Variants in DGKB observed in about 807,000 individuals in gnomAD.
DGKB encodes 90 kDa diacylglycerol kinase.
A neutral mutation model predicts 114.3 loss-of-function variants in DGKB; 67 were observed. The observed-to-expected ratio is 0.59, with a 90% CI of 0.48 to 0.72. The LOEUF is 0.72. Ranked by LOEUF, DGKB falls within the 30% of genes least tolerant of loss-of-function variation. The probability of loss-of-function intolerance (pLI) is 0.00; values close to 1 mark genes in which losing one functional copy is unlikely to be tolerated. For missense variants in DGKB, 907 were observed against 975.2 expected (o/e 0.93, Z 0.93); for synonymous variants, 398 against 323.1 (o/e 1.23, Z -2.49).
rs151162392 is a variant in DGKB, at chr7:14,169,082, G to A, written c.2304+7757C>T. 2.2e-3 allele frequency among the ~76,000 whole-genome samples: 336 copies of A among 151,914 alleles called. 2 individuals are homozygous for A. The highest frequency in any genetic ancestry group is 3.9e-3 in the Non-Finnish European group (263 of 67,962). Reference sequence around the variant, plus strand: ...ATGAAAGAAATGCAAACCATGGGCCGGGTGCAGTGGCTCACGCCTGTAATC... The same window carrying A: ...ATGAAAGAAATGCAAACCATGGGCCAGGTGCAGTGGCTCACGCCTGTAATC... On this transcript the variant is annotated intron_variant, in intron 25 of 25. Coordinates refer to ENST00000402815, the MANE Select transcript of DGKB (RefSeq NM_001350709.2).
At chr7:14,319,921 G>C (rs1807414023) in intron 23 of DGKB, among the ~76,000 whole-genome samples, 1 of 152,154 alleles carries the variant, frequency 6.6e-6, no homozygotes, top group Non-Finnish European at 1.5e-5. Flanking sequence ...AAGATCTACA[G>C]GTCCATTTGT....
At chr7:14,170,638 T>C (rs983191242) in intron 25 of DGKB, among the ~76,000 whole-genome samples, 1 of 152,226 alleles carries the variant, frequency 6.6e-6, no homozygotes, top group African/African-American at 2.4e-5. Flanking sequence ...ATTGTGTATT[T>C]AGCAAGCGAT....
At chr7:14,265,860 C>T (rs1349936046) in intron 23 of DGKB, among the ~76,000 whole-genome samples, 1 of 152,094 alleles carries the variant, frequency 6.6e-6, no homozygotes, top group East Asian at 1.9e-4. Flanking sequence ...CTTATTCTGG[C>T]AAAGTAAACA....
intron 1 of DGKB, among the ~76,000 whole-genome samples, chr7:14,888,255 AC>A (rs1255509764): frequency 6.6e-6 from 1 of 151,758 alleles, no homozygotes; most frequent in Admixed American, 6.6e-5. Flanking sequence ...AGGCACAGAG[AC>A]AGAGGCTCCA....
intron 23 of DGKB, among the ~76,000 whole-genome samples, chr7:14,274,676 T>A (rs993647943): frequency 1.8e-4 from 28 of 152,080 alleles, no homozygotes; most frequent in Admixed American, 1.6e-3. Context: ...GTGAATTTGG[T>A]ATCTGGTATT....
At chr7:14,815,650 T>C (rs1844029672) in intron 2 of DGKB, among the ~76,000 whole-genome samples, 1 of 152,204 alleles carries the variant, frequency 6.6e-6, no homozygotes, top group Admixed American at 6.5e-5. Flanking sequence ...GGAGTGGCTC[T>C]CTTGGTGACC....
chr7:14,551,041 T>G (rs757644292), intron 20 of DGKB, among the ~76,000 whole-genome samples: 1 of 143,536 alleles, frequency 7.0e-6, no homozygotes. Context: ...TACAAAGGGC[T>G]GAAAACTGGA....
At chr7:14,772,408 A>G (rs2128473825) in intron 2 of DGKB, among the ~76,000 whole-genome samples, 1 of 152,304 alleles carries the variant, frequency 6.6e-6, no homozygotes, top group South Asian at 2.1e-4. Flanking sequence ...TTTTTTGAAG[A>G]GAACTACACA....
intron 21 of DGKB, among the ~76,000 whole-genome samples, chr7:14,397,869 C>A (rs545459311): frequency 1.1e-4 from 16 of 152,026 alleles, no homozygotes; most frequent in Admixed American, 2.6e-4. Flanking sequence ...ATTAATTGTT[C>A]CCGGGTGCTC....
rs564171887 is a variant in DGKB, at chr7:14,389,309, T to C, written c.1836-43918A>G. On this transcript the variant is annotated intron_variant, in intron 21 of 25. Transcript: ENST00000402815. ...TCCATGTGAGCCTTGCACACCATTATGTTGTCCCATCTAGGACCCTTTGAA... is the reference window on the plus strand; with the variant it reads ...TCCATGTGAGCCTTGCACACCATTACGTTGTCCCATCTAGGACCCTTTGAA... 3.3e-5 allele frequency among the ~76,000 whole-genome samples: 5 copies of C among 152,346 alleles called. No homozygotes were observed. The South Asian group carries it at 1.0e-3, about 32-fold the overall frequency.
intron 23 of DGKB, among the ~76,000 whole-genome samples, chr7:14,246,987 C>T (rs896256196): frequency 1.4e-4 from 21 of 152,216 alleles, no homozygotes; most frequent in Non-Finnish European, 2.9e-4. Context: ...ATCCTAATTT[C>T]CCCAACTGCT....
chr7:14,683,746 C>T (rs1053512732), intron 10 of DGKB, among the ~76,000 whole-genome samples: 2 of 151,950 alleles, frequency 1.3e-5, no homozygotes, highest in African/African-American at 4.8e-5. Flanking sequence ...AACACTAAAT[C>T]TAAATAATAT....
intron 23 of DGKB, among the ~76,000 whole-genome samples, chr7:14,276,374 A>G (rs1798991433): frequency 6.6e-6 from 1 of 152,240 alleles, no homozygotes; most frequent in Non-Finnish European, 1.5e-5. Flanking sequence ...CTCAACCAAT[A>G]AAGACATGAT....
intron 21 of DGKB, among the ~76,000 whole-genome samples, chr7:14,474,192 G>A (rs1332304240): frequency 6.6e-6 from 1 of 152,152 alleles, no homozygotes; most frequent in Non-Finnish European, 1.5e-5. Context: ...ATTGGATCAT[G>A]GGGGTAAGTT....
In DGKB at chr7:14,335,223, C is replaced by T. The variant is rs143206124; in HGVS notation, c.2122+3292G>A. 4.9e-4 allele frequency among the ~76,000 whole-genome samples: 75 copies of T among 152,166 alleles called. No homozygotes were observed. The East Asian group carries it at 0.014, about 28-fold the overall frequency. On this transcript the variant is annotated intron_variant, in intron 23 of 25. Coordinates refer to ENST00000402815, the MANE Select transcript of DGKB (RefSeq NM_001350709.2). The stretch of plus-strand genomic sequence containing the variant: ...GCTTAATATAAATAAGGACTTAATG[C>T]TCCAAACCTGATCTCATACCTTTGG...
chr7:14,620,865 T>C (rs1807504003), intron 15 of DGKB, among the ~76,000 whole-genome samples: 1 of 151,708 alleles, frequency 6.6e-6, no homozygotes, highest in African/African-American at 2.4e-5. Flanking sequence ...GAGGTTTAAA[T>C]TTTGACTTAA....
chr7:14,259,164 A>T (rs915010570), intron 23 of DGKB, among the ~76,000 whole-genome samples: 5 of 152,122 alleles, frequency 3.3e-5, no homozygotes, highest in Admixed American at 2.6e-4. Context: ...CTACTTAATG[A>T]GTTTCTTCAT....
intron 1 of DGKB, among the ~76,000 whole-genome samples, chr7:14,924,060 G>A (rs1403799648): frequency 6.7e-6 from 1 of 150,176 alleles, no homozygotes; most frequent in Non-Finnish European, 1.5e-5. Flanking sequence ...GCAGAAGGCA[G>A]GTCTGTCTTG....
intron 4 of DGKB, among the ~76,000 whole-genome samples, chr7:14,743,724 T>C (rs1257897437): frequency 1.3e-5 from 2 of 152,196 alleles, no homozygotes; most frequent in East Asian, 3.8e-4. Context: ...TCAATCACAA[T>C]TAAGGTTGTT....
Sources: allele counts gnomAD v4.1 joint callset (sites outside exome capture counted in the v4.1 genomes callset), GRCh38; gene constraint gnomAD v4.1.1; transcripts MANE v1.5; gene names NCBI Gene and HGNC (gene_info 2026-07-23, HGNC 2026-07-21).